Variants in CAMK1D observed in about 807,000 individuals in gnomAD.
CAMK1D encodes calcium/calmodulin dependent protein kinase ID, also known as calcium/calmodulin-dependent protein kinase type 1D.
CAMK1D carries 9 observed loss-of-function variants against 47.7 expected under a neutral mutation model. That is an observed-to-expected ratio of 0.19 (90% CI 0.11 to 0.33). The LOEUF (loss-of-function observed/expected upper bound fraction) is 0.33, where lower values mean the gene tolerates loss of function less well. CAMK1D is among the 10% of genes least tolerant of loss of function. The pLI, the probability that CAMK1D is intolerant of heterozygous loss-of-function variation, is 1.00. For missense variants in CAMK1D, 291 were observed against 488.7 expected (o/e 0.60, Z 3.81); for synonymous variants, 184 against 184.9 (o/e 0.99, Z 0.04).
chr10:12,769,692 A>G lies in CAMK1D; in HGVS notation c.458A>G (p.Tyr153Cys), dbSNP rs780300077. The G allele has an allele frequency of 6.2e-7, 1 of 1,614,146 alleles. No homozygotes were observed. Among genetic ancestry groups the G allele is most frequent in the Non-Finnish European group, 8.5e-7 (1 of 1,179,966 alleles). Residue 153 changes from tyrosine (Y) to cysteine (C), a missense_variant, in exon 5 of 11, where the codon TAC becomes TGC. This residue lies in a region of CAMK1D where 219 missense variants were observed against 424.3 expected (regional missense o/e 0.52). Transcript: ENST00000619168. ...TTCTAGCCCGAAAATCTCTTGTACT[A>G]CAGTCAAGATGAGGAGTCCAAAATA... ...RDLKPENLLY[Y>C]SQDEESKIMI...
intron 1 of CAMK1D, among the ~76,000 whole-genome samples, chr10:12,418,694 A>T (rs1444609044): frequency 1.3e-5 from 2 of 152,044 alleles, no homozygotes; most frequent in South Asian, 2.1e-4. Flanking sequence ...TCAGCATTAA[A>T]TTTTTTTTCT....
intron 2 of CAMK1D, among the ~76,000 whole-genome samples, chr10:12,582,085 C>T (rs11257904): frequency 0.14 from 21,810 of 152,020 alleles, 3,789 homozygotes; most frequent in African/African-American, 0.41. Context: ...GGATGAGGAT[C>T]TAGTTTCATT....
chr10:12,432,442 A>G (rs75294361), intron 1 of CAMK1D, among the ~76,000 whole-genome samples: 2,686 of 149,532 alleles, frequency 0.018, 86 homozygotes, highest in African/African-American at 0.062. Flanking sequence ...TGAATGAGTG[A>G]GTACACGAAT....
intron 1 of CAMK1D, among the ~76,000 whole-genome samples, chr10:12,521,416 A>G (rs888208154): frequency 2.6e-5 from 4 of 152,166 alleles, no homozygotes; most frequent in African/African-American, 9.7e-5. Flanking sequence ...AATCTACATA[A>G]TCTGATATTG....
At chr10:12,680,324 T>C (rs1257707274) in intron 3 of CAMK1D, among the ~76,000 whole-genome samples, 1 of 152,244 alleles carries the variant, frequency 6.6e-6, no homozygotes, top group African/African-American at 2.4e-5. Context: ...ATGAGGTCTA[T>C]GATAGCTCAG....
chr10:12,356,078 G>A (rs944632664), intron 1 of CAMK1D, among the ~76,000 whole-genome samples: 4 of 151,998 alleles, frequency 2.6e-5, no homozygotes, highest in African/African-American at 9.7e-5. Context: ...TTTGCAGTGA[G>A]CCGAGATTGC....
At chr10:12,785,225 C>T (rs1837671066) in intron 5 of CAMK1D, among the ~76,000 whole-genome samples, 1 of 152,162 alleles carries the variant, frequency 6.6e-6, no homozygotes, top group South Asian at 2.1e-4. Context: ...CTGACAGAGC[C>T]CCCAGGGACT....
chr10:12,600,790 T>C (rs1011515274), intron 2 of CAMK1D, among the ~76,000 whole-genome samples: 4 of 152,212 alleles, frequency 2.6e-5, no homozygotes, highest in African/African-American at 9.6e-5. Context: ...TCTTCTACCC[T>C]TCTAAGCCTC....
intron 1 of CAMK1D, among the ~76,000 whole-genome samples, chr10:12,432,753 C>G (rs1309735395): frequency 6.6e-6 from 1 of 152,142 alleles, no homozygotes; most frequent in Non-Finnish European, 1.5e-5. Context: ...TTGCTTGCAC[C>G]CTGAAGATTC....
chr10:12,485,181 A>G (rs1161452241), intron 1 of CAMK1D, among the ~76,000 whole-genome samples: 2 of 152,174 alleles, frequency 1.3e-5, no homozygotes, highest in Non-Finnish European at 2.9e-5. Context: ...GGCGAAGTGT[A>G]TTTTTAGCGA....
At chr10:12,552,007 G>A (rs1203035280) in intron 1 of CAMK1D, among the ~76,000 whole-genome samples, 1 of 152,236 alleles carries the variant, frequency 6.6e-6, no homozygotes, top group Non-Finnish European at 1.5e-5. Context: ...TCAGTGGGCT[G>A]TGGTACTTCC....
intron 1 of CAMK1D, among the ~76,000 whole-genome samples, chr10:12,417,230 GTCT>G (rs1839883382): frequency 6.6e-6 from 1 of 152,108 alleles, no homozygotes; most frequent in African/African-American, 2.4e-5. Context: ...GACCTTCTGA[GTCT>G]TCTTCCATCT....
intron 1 of CAMK1D, among the ~76,000 whole-genome samples, chr10:12,398,169 A>C (rs1490100965): frequency 6.6e-6 from 1 of 152,234 alleles, no homozygotes; most frequent in Non-Finnish European, 1.5e-5. Context: ...ATTTAAAAAG[A>C]AGCTCATCTT....
chr10:12,630,949 T>C (rs1470173591), intron 2 of CAMK1D, among the ~76,000 whole-genome samples: 1 of 152,036 alleles, frequency 6.6e-6, no homozygotes, highest in Non-Finnish European at 1.5e-5. Flanking sequence ...TCCACTTGAG[T>C]GCTTGGTGAT....
At chr10:12,563,762 T>A (rs569407777) in intron 2 of CAMK1D, among the ~76,000 whole-genome samples, 2 of 151,726 alleles carry the variant, frequency 1.3e-5, no homozygotes, top group South Asian at 4.2e-4. Flanking sequence ...TTAAATCTGG[T>A]CTGGCCTCTC....
intron 3 of CAMK1D, among the ~76,000 whole-genome samples, chr10:12,692,525 G>A (rs940541987): frequency 1.3e-5 from 2 of 152,108 alleles, no homozygotes; most frequent in Admixed American, 6.6e-5. Flanking sequence ...TTATTATATG[G>A]AGTTGCAAAA....
chr10:12,734,382 AT>A (rs1401496757), intron 3 of CAMK1D, among the ~76,000 whole-genome samples: 1 of 16,132 alleles, frequency 6.2e-5, no homozygotes, highest in Non-Finnish European at 1.3e-4. Flanking sequence ...ATATATAGAT[AT>A]AGATATAGAT....
intron 1 of CAMK1D, among the ~76,000 whole-genome samples, chr10:12,413,430 C>T (rs1839733539): frequency 8.4e-6 from 1 of 118,928 alleles, no homozygotes; most frequent in African/African-American, 3.2e-5. Flanking sequence ...CAAACTTTAT[C>T]AGTGTGTTAG....
chr10:12,521,515 A>G (rs1328550920), intron 1 of CAMK1D, among the ~76,000 whole-genome samples: 3 of 152,180 alleles, frequency 2.0e-5, no homozygotes, highest in African/African-American at 4.8e-5. Flanking sequence ...TTTGATTTAT[A>G]TATGTAGTAT....
Sources: allele counts gnomAD v4.1 joint callset (sites outside exome capture counted in the v4.1 genomes callset), GRCh38; gene constraint gnomAD v4.1.1; regional missense constraint gnomAD v4.1.1; transcripts MANE v1.5; gene names NCBI Gene and HGNC (gene_info 2026-07-23, HGNC 2026-07-21).